Variants in ANKRD33B observed in about 807,000 individuals in gnomAD.
ANKRD33B encodes ankyrin repeat domain-containing protein 33B.
In ANKRD33B, 6 loss-of-function variants were observed where a neutral mutation model predicts 21.5. The ratio of observed to expected loss-of-function variants is 0.28; its 90% CI spans 0.15 to 0.55. The LOEUF is 0.55. Ranked by LOEUF, ANKRD33B falls within the 20% of genes least tolerant of loss-of-function variation. ANKRD33B has a pLI of 0.94. For synonymous variants in ANKRD33B, 347 were observed against 342.4 expected (o/e 1.01, Z -0.15); for missense variants, 698 against 747.2 (o/e 0.93, Z 0.77).
intron 1 of ANKRD33B, among the ~76,000 whole-genome samples, chr5:10,566,054 G>A (rs1262388724): frequency 6.6e-6 from 1 of 152,106 alleles, no homozygotes; most frequent in Non-Finnish European, 1.5e-5. Context: ...CATTGCCCCC[G>A]TGATTCAATT....
intron 1 of ANKRD33B, among the ~76,000 whole-genome samples, chr5:10,585,813 G>T (rs909233605): frequency 6.6e-6 from 1 of 152,240 alleles, no homozygotes; most frequent in Non-Finnish European, 1.5e-5. Flanking sequence ...GCGTAAAGCA[G>T]AGCTGTGGGT....
At position 10,657,712 on chromosome 5, in the gene ANKRD33B, C is replaced by T. The variant is rs916319798; in HGVS notation, c.*7599C>T. The T allele has an allele frequency of 7.9e-5, 12 of 152,198 alleles. No individual in the cohort carries two copies. 9.4% of individuals were successfully genotyped at this position (152,198 alleles called of 1,614,324 possible). On this transcript the variant is annotated 3_prime_UTR_variant, in exon 4 of 4. Coordinates refer to ENST00000296657, the MANE Select transcript of ANKRD33B (RefSeq NM_001164440.2). ...AAAAAATGTTTTTCCCTTTTAACTTCTAACAAATTATGTATCTAATGTTTA... is the reference window on the plus strand; with the variant it reads ...AAAAAATGTTTTTCCCTTTTAACTTTTAACAAATTATGTATCTAATGTTTA...
At position 10,564,659 on chromosome 5, in the gene ANKRD33B, G is replaced by A. The variant is rs1450523366; in HGVS notation, c.192G>A (p.Glu64=). 1.3e-6 allele frequency: 2 copies of A among 1,534,970 alleles called. No individual in the cohort carries two copies. The highest frequency in any genetic ancestry group is 4.9e-5 in the East Asian group (2 of 40,896). ...ACTCTTTCTACCCTTTCGAGGACGA[G>A]GAGGAGCACGGCGTCGAGAGCGCGG... ...SDDSFYPFED[E]EEHGVESAES... is the part of the protein sequence containing the mutation. Residue 64 remains glutamate (E), a synonymous_variant, in exon 1 of 4, where the codon GAG becomes GAA. Transcript: ENST00000296657.
intron 1 of ANKRD33B, among the ~76,000 whole-genome samples, chr5:10,573,971 A>C (rs1353059052): frequency 1.3e-5 from 2 of 152,166 alleles, no homozygotes. Flanking sequence ...TAACACCATC[A>C]TACCCCTCCA....
intron 1 of ANKRD33B, among the ~76,000 whole-genome samples, chr5:10,568,160 AATATTTAT>A: frequency 6.6e-6 from 1 of 152,356 alleles, no homozygotes; most frequent in African/African-American, 2.4e-5. Flanking sequence ...TTCCTTCTAA[AATATTTAT>A]TGCTCTAAAA....
intron 2 of ANKRD33B, among the ~76,000 whole-genome samples, chr5:10,633,819 G>A (rs1736792262): frequency 6.6e-6 from 1 of 152,148 alleles, no homozygotes; most frequent in Non-Finnish European, 1.5e-5. Context: ...CTGGAGTTAT[G>A]AGTTTTTGGA....
In ANKRD33B at chr5:10,632,901, C is replaced by A. The variant is rs556425350; in HGVS notation, c.497-5127C>A. 3.3e-5 allele frequency among the ~76,000 whole-genome samples: 5 copies of A among 152,278 alleles called. No individual in the cohort carries two copies. The East Asian group carries it at 9.6e-4, about 29-fold the overall frequency. ...CTCCTGGTTTCAAGTGATTCTCCTG[C>A]CTCAGCCTCCCGAGTAGCTGGGATT... On this transcript the variant is annotated intron_variant, in intron 2 of 3. Transcript: ENST00000296657.
Position 10,655,380 on chromosome 5 carries a change from G to C in ANKRD33B, c.*5267G>C, listed in dbSNP as rs1361992577. The C allele has an allele frequency of 1.3e-5, 2 of 152,326 alleles. No homozygotes were observed. The highest frequency in any genetic ancestry group is 3.8e-4 in the East Asian group (2 of 5,330). The allele number at this position is 152,326 out of a possible 1,614,324, so 9.4% of individuals were successfully genotyped here. ...AGAGGAAATGAATGGGACCTGAAAA[G>C]TGGGTCTGCCACATCCCTGGTAGCC... On this transcript the variant is annotated 3_prime_UTR_variant, in exon 4 of 4. Coordinates refer to ENST00000296657, the MANE Select transcript of ANKRD33B (RefSeq NM_001164440.2).
chr5:10,614,292 A>G (rs1277997077), intron 1 of ANKRD33B, among the ~76,000 whole-genome samples: 2 of 152,220 alleles, frequency 1.3e-5, no homozygotes, highest in Non-Finnish European at 2.9e-5. Flanking sequence ...GTTGATTTAA[A>G]TATCAGTCTC....
chr5:10,575,381 G>A (rs891063952), intron 1 of ANKRD33B, among the ~76,000 whole-genome samples: 14 of 144,898 alleles, frequency 9.7e-5, no homozygotes, highest in East Asian at 4.1e-4. Flanking sequence ...AGCCGAGATC[G>A]CACCACTCCA....
chr5:10,642,936 A>G (rs1486789185), intron 3 of ANKRD33B, among the ~76,000 whole-genome samples: 2 of 151,076 alleles, frequency 1.3e-5, no homozygotes, highest in African/African-American at 4.9e-5. Context: ...ACGGAGTCTC[A>G]CTCTGTCGCC....
chr5:10,629,969 A>C (rs963436061), intron 2 of ANKRD33B, among the ~76,000 whole-genome samples: 1 of 152,156 alleles, frequency 6.6e-6, no homozygotes, highest in Non-Finnish European at 1.5e-5. Flanking sequence ...AAAGTCAGAG[A>C]GTGTCATTAG....
intron 2 of ANKRD33B, among the ~76,000 whole-genome samples, chr5:10,626,187 T>C (rs182014475): frequency 6.9e-4 from 105 of 152,284 alleles, no homozygotes; most frequent in African/African-American, 1.5e-3. Flanking sequence ...AGAAACCTCA[T>C]TGGGGCGGAA....
At chr5:10,642,952 T>C (rs945532138) in intron 3 of ANKRD33B, among the ~76,000 whole-genome samples, 1 of 152,122 alleles carries the variant, frequency 6.6e-6, no homozygotes, top group African/African-American at 2.4e-5. Context: ...TCGCCCAGAG[T>C]GGAGTGCAGT....
chr5:10,581,512 T>C (rs1735443979), intron 1 of ANKRD33B, among the ~76,000 whole-genome samples: 1 of 152,220 alleles, frequency 6.6e-6, no homozygotes, highest in African/African-American at 2.4e-5. Context: ...CTCCCCTGGA[T>C]GGTCTGGTTT....
chr5:10,583,948 C>T (rs959820), intron 1 of ANKRD33B, among the ~76,000 whole-genome samples: 51,061 of 151,920 alleles, frequency 0.34, 9,147 homozygotes, highest in Admixed American at 0.48. Context: ...AGGAGATTAA[C>T]CCCAGGAGGC....
At chr5:10,569,430 C>G (rs1245641408) in intron 1 of ANKRD33B, among the ~76,000 whole-genome samples, 2 of 151,898 alleles carry the variant, frequency 1.3e-5, no homozygotes, top group Non-Finnish European at 2.9e-5. Flanking sequence ...AAGCCCATCT[C>G]TAAAAAAATA....
At chr5:10,585,183 G>A (rs1374952080) in intron 1 of ANKRD33B, among the ~76,000 whole-genome samples, 1 of 152,216 alleles carries the variant, frequency 6.6e-6, no homozygotes, top group Non-Finnish European at 1.5e-5. Context: ...CTGGCGTCGT[G>A]TTGAAGTTTG....
At chr5:10,568,415 T>C (rs1396799023) in intron 1 of ANKRD33B, among the ~76,000 whole-genome samples, 1 of 152,246 alleles carries the variant, frequency 6.6e-6, no homozygotes, top group African/African-American at 2.4e-5. Flanking sequence ...ACAAAGTGTG[T>C]TGTTTTAATT....
Sources: allele counts gnomAD v4.1 joint callset (sites outside exome capture counted in the v4.1 genomes callset), GRCh38; gene constraint gnomAD v4.1.1; transcripts MANE v1.5; gene names NCBI Gene and HGNC (gene_info 2026-07-23, HGNC 2026-07-21).